Variants in PTPN14 observed in about 807,000 individuals in gnomAD.
The protein encoded by PTPN14 is protein tyrosine phosphatase non-receptor type 14.
Under a neutral mutation model 126.8 loss-of-function variants are expected in PTPN14, and 53 were observed. That is an observed-to-expected ratio of 0.42 (90% CI 0.34 to 0.53). The LOEUF is 0.53. Among genes scored for constraint, PTPN14 ranks in the 20% least tolerant of loss-of-function variants. PTPN14 has a pLI of 0.08. For synonymous variants in PTPN14, 630 were observed against 599.3 expected (o/e 1.05, Z -0.75); for missense variants, 1,257 against 1,552.9 (o/e 0.81, Z 3.20).
In PTPN14 at chr1:214,464,915, G is replaced by GTTTT; in HGVS notation, c.-113_-112insAAAA. 1 of 1,352,478 alleles carries GTTTT rather than the reference G, an allele frequency of 7.4e-7. No homozygotes were observed. The highest frequency in any genetic ancestry group is 1.0e-6 in the Non-Finnish European group (1 of 991,402). 83.8% of individuals were successfully genotyped at this position (1,352,478 alleles called of 1,614,324 possible). A position where few individuals can be genotyped will look rare whatever the true frequency, so the allele number is the denominator to read the frequency against. ...ACTATCACCTGTGCTCCTCCAGGCA[G>GTTTT]GGAAAAGGGTGTCCATGCCCAGTGT... On this transcript the variant is annotated 5_prime_UTR_variant, in exon 2 of 19. It introduces an in-frame stop codon into an upstream open reading frame of the 5' UTR. Coordinates refer to ENST00000366956, the MANE Select transcript of PTPN14 (RefSeq NM_005401.5).
chr1:214,353,893 T>C lies in PTPN14; in HGVS notation c.*4029A>G, dbSNP rs1657757504. 1 of 152,198 alleles carries C rather than the reference T, an allele frequency of 6.6e-6. No homozygotes were observed. Among genetic ancestry groups the C allele is most frequent in the South Asian group, 2.1e-4 (1 of 4,830 alleles). 9.4% of individuals were successfully genotyped at this position (152,198 alleles called of 1,614,324 possible). A position where few individuals can be genotyped will look rare whatever the true frequency, so the allele number is the denominator to read the frequency against. On this transcript the variant is annotated 3_prime_UTR_variant, in exon 19 of 19. Transcript: ENST00000366956. ...CCCACAGTGTATCAGGGGGAAGATA[T>C]AGGTGATCCATGCGAGTACTGTCTA...
intron 1 of PTPN14, among the ~76,000 whole-genome samples, chr1:214,547,910 GAA>G (rs57550281): frequency 7.2e-5 from 9 of 125,530 alleles, no homozygotes; most frequent in African/African-American, 2.2e-4. Flanking sequence ...CCAATAGACT[GAA>G]AAAAAAAAAA....
At chr1:214,461,525 T>C (rs999272519) in intron 2 of PTPN14, among the ~76,000 whole-genome samples, 5 of 152,100 alleles carry the variant, frequency 3.3e-5, no homozygotes, top group African/African-American at 4.8e-5. Context: ...CTCAGCTACT[T>C]GGGAGGCTGA....
At chr1:214,495,024 C>T (rs988337144) in intron 1 of PTPN14, among the ~76,000 whole-genome samples, 1 of 152,178 alleles carries the variant, frequency 6.6e-6, no homozygotes, top group East Asian at 1.9e-4. Context: ...CTGGGACCAG[C>T]ATTAGTGGTG....
chr1:214,432,325 CAGAA>C (rs142375527), intron 3 of PTPN14, among the ~76,000 whole-genome samples: 2,254 of 152,146 alleles, frequency 0.015, 56 homozygotes, highest in African/African-American at 0.052. Context: ...AAATTCAATA[CAGAA>C]AGAAAGAAAA....
intron 5 of PTPN14, among the ~76,000 whole-genome samples, chr1:214,404,324 T>C (rs932188466): frequency 1.3e-5 from 2 of 152,222 alleles, no homozygotes; most frequent in Non-Finnish European, 2.9e-5. Context: ...ACTTTTCACA[T>C]AACTGATTAA....
At position 214,352,454 on chromosome 1, in the gene PTPN14, A is replaced by G. The variant is rs1169003187; in HGVS notation, c.*5468T>C. 6.6e-6 allele frequency: 1 copy of G among 152,246 alleles called. No individual in the cohort carries two copies. Among genetic ancestry groups the G allele is most frequent in the Non-Finnish European group, 1.5e-5 (1 of 68,048 alleles). 9.4% of individuals were successfully genotyped at this position (152,246 alleles called of 1,614,324 possible). On this transcript the variant is annotated 3_prime_UTR_variant, in exon 19 of 19. Coordinates refer to ENST00000366956, the MANE Select transcript of PTPN14 (RefSeq NM_005401.5). The stretch of plus-strand genomic sequence containing the variant: ...TCAAGTTTCACAGGGCCCCCTGAAT[A>G]ACACTGACTTCTGGACAACACATTT...
At chr1:214,441,505 T>G (rs572688608) in intron 3 of PTPN14, among the ~76,000 whole-genome samples, 10 of 152,332 alleles carry the variant, frequency 6.6e-5, no homozygotes, top group East Asian at 3.9e-4. Context: ...AATGTCCCAA[T>G]GCTGATATTC....
chr1:214,450,952 C>G (rs1660259665), intron 3 of PTPN14, among the ~76,000 whole-genome samples: 1 of 152,214 alleles, frequency 6.6e-6, no homozygotes, highest in African/African-American at 2.4e-5. Flanking sequence ...TTGTTCTCCT[C>G]TTCTACTGAT....
intron 1 of PTPN14, among the ~76,000 whole-genome samples, chr1:214,549,102 T>C (rs1656040750): frequency 6.6e-6 from 1 of 152,136 alleles, no homozygotes; most frequent in East Asian, 1.9e-4. Flanking sequence ...ACACCCAAAG[T>C]TGTAGGAAGT....
chr1:214,532,392 C>CGCAGGA (rs1655574779), intron 1 of PTPN14: 2 of 657,790 alleles, frequency 3.0e-6, no homozygotes, highest in Admixed American at 4.4e-5. Context: ...GGCTGGGGGC[C>CGCAGGA]TGGCAGGAAT....
chr1:214,360,653 T>C (rs1445419400), intron 18 of PTPN14, among the ~76,000 whole-genome samples: 1 of 152,226 alleles, frequency 6.6e-6, no homozygotes, highest in African/African-American at 2.4e-5. Context: ...GGAGGCAGGA[T>C]CACACTGGTG....
intron 17 of PTPN14, among the ~76,000 whole-genome samples, chr1:214,366,643 T>C (rs1409488495): frequency 1.3e-5 from 2 of 152,180 alleles, no homozygotes; most frequent in African/African-American, 4.8e-5. Context: ...TCAACATTTC[T>C]AATGCCCTGC....
Position 214,397,906 on chromosome 1 carries a change from A to G in PTPN14, c.758+7T>C. Reference sequence around the variant, plus strand: ...AAGAAAAAAGAAAAACAAACAAATAAGACTACCTGTATATTACCGCTTGTC... The same window carrying G: ...AAGAAAAAAGAAAAACAAACAAATAGGACTACCTGTATATTACCGCTTGTC... On this transcript the variant is annotated splice_region_variant and intron_variant, in intron 8 of 18. Transcript: ENST00000366956. 1 of 1,580,512 alleles carries G rather than the reference A, an allele frequency of 6.3e-7. No homozygotes were observed. The highest frequency in any genetic ancestry group is 2.2e-5 in the East Asian group (1 of 44,698).
intron 1 of PTPN14, among the ~76,000 whole-genome samples, chr1:214,496,462 G>A (rs564335393): frequency 1.4e-4 from 22 of 152,098 alleles, no homozygotes; most frequent in Non-Finnish European, 3.1e-4. Flanking sequence ...GAAACCCCTC[G>A]GGGAAAATGA....
chr1:214,472,420 C>T (rs539748265), intron 1 of PTPN14, among the ~76,000 whole-genome samples: 9 of 152,318 alleles, frequency 5.9e-5, no homozygotes, highest in Admixed American at 2.0e-4. Flanking sequence ...GATGCTGGTG[C>T]CATGCTTCCT....
intron 1 of PTPN14, among the ~76,000 whole-genome samples, chr1:214,494,993 C>T (rs1397879876): frequency 1.3e-5 from 2 of 152,136 alleles, no homozygotes; most frequent in African/African-American, 2.4e-5. Context: ...CACTTTGGAC[C>T]TAGAAGCAAC....
intron 1 of PTPN14, chr1:214,532,606 G>C: frequency 1.1e-6 from 1 of 946,886 alleles, no homozygotes; most frequent in South Asian, 1.3e-5. Context: ...TCAGATCTTA[G>C]CAAATACTGT....
chr1:214,384,611 A>T lies in PTPN14; in HGVS notation c.1244T>A (p.Ile415Asn). Residue 415 changes from isoleucine to asparagine, a missense_variant, in exon 13 of 19, where the codon ATC (isoleucine) becomes AAC (asparagine). Coordinates refer to ENST00000366956, the MANE Select transcript of PTPN14 (RefSeq NM_005401.5). The surrounding 1 kb of genome is among the most constrained non-coding windows in gnomAD (Gnocchi z 5.3). The part of the protein sequence containing the change: ...QASPVSSNLS[I>N]PGSDIMRADY... Reference sequence around the variant, plus strand: ...GGCCCGCATGATGTCACTCCCAGGGATACTGAGGTTGGAGGATACAGGGGA... The same window carrying T: ...GGCCCGCATGATGTCACTCCCAGGGTTACTGAGGTTGGAGGATACAGGGGA... 1.2e-6 allele frequency: 2 copies of T among 1,614,068 alleles called. No homozygotes were observed. Among genetic ancestry groups the T allele is most frequent in the Non-Finnish European group, 8.5e-7 (1 of 1,180,008 alleles).
Sources: gnomAD v4.1 joint callset for allele counts (sites outside exome capture counted in the v4.1 genomes callset) on GRCh38, gnomAD v4.1.1 for gene constraint, Gnocchi (gnomAD v3.1) non-coding constraint, MANE v1.5 for transcripts, NCBI Gene and HGNC (gene_info 2026-07-23, HGNC 2026-07-21) for gene names.